Variants in LIPC observed in about 807,000 individuals in gnomAD.
LIPC encodes hepatic triacylglycerol lipase.
In LIPC, 44 loss-of-function variants were observed where a neutral mutation model predicts 50.7. That is an observed-to-expected ratio of 0.87 (90% CI 0.68 to 1.11). LIPC has a LOEUF of 1.11. Among genes scored for constraint, LIPC ranks in the 50% most tolerant of loss-of-function variants. The pLI, the probability that LIPC is intolerant of heterozygous loss-of-function variation, is 0.00. For synonymous variants in LIPC, 271 were observed against 256.4 expected (o/e 1.06, Z -0.54); for missense variants, 697 against 648.2 (o/e 1.08, Z -0.82).
chr15:58,464,851 T>C (rs566978230), intron 1 of LIPC, among the ~76,000 whole-genome samples: 2 of 152,286 alleles, frequency 1.3e-5, no homozygotes, highest in South Asian at 4.1e-4. Flanking sequence ...TGTGCACCTG[T>C]AGTCCCAGCT....
At chr15:58,433,837 T>A (rs1487779692) in intron 1 of LIPC, among the ~76,000 whole-genome samples, 7 of 152,162 alleles carry the variant, frequency 4.6e-5, no homozygotes, top group Admixed American at 4.6e-4. Flanking sequence ...GAAAAGAGGA[T>A]CCAAGTCAGG....
Position 58,541,947 on chromosome 15 carries a change from G to T in LIPC, c.436G>T (p.Ala146Ser). 6.2e-7 allele frequency: 1 copy of T among 1,610,198 alleles called. No individual in the cohort carries two copies. ...NTRLVGKEVA[A>S]LLRWLEESVQ... ...CCGCCTTGTGGGCAAGGAGGTCGCG[G>T]CTCTTCTCCGGTGGCTGGAGGTACC... Residue 146 changes from alanine to serine, a missense_variant, in exon 3 of 9, where the codon GCT (alanine) becomes TCT (serine). By Grantham distance (99) the Ala-to-Ser change is moderately conservative (BLOSUM62 1). Coordinates refer to ENST00000299022, the MANE Select transcript of LIPC (RefSeq NM_000236.3).
At chr15:58,472,275 A>G (rs1890837032) in intron 1 of LIPC, among the ~76,000 whole-genome samples, 1 of 131,228 alleles carries the variant, frequency 7.6e-6, no homozygotes, top group Non-Finnish European at 1.8e-5. Context: ...GGTCTCAAAA[A>G]AAAAAAAAAA....
intron 1 of LIPC, 146 bp from the exon 2 acceptor site, chr15:58,538,187 C>A: frequency 2.4e-6 from 2 of 826,202 alleles, no homozygotes; most frequent in East Asian, 2.5e-5. Flanking sequence ...GTCTTTGGGG[C>A]TCCCCACAGT....
rs572934305 is a variant in LIPC, at chr15:58,478,999, C to A, written c.88+46879C>A. On this transcript the variant is annotated intron_variant, in intron 1 of 8. Coordinates refer to ENST00000299022, the MANE Select transcript of LIPC (RefSeq NM_000236.3). ...GCCTCGGAGTTGAAGCCAGGGTCCA[C>A]TGGACTTTCAGATGTTCAATGAATT... 2.0e-5 allele frequency among the ~76,000 whole-genome samples: 3 copies of A among 152,342 alleles called. No homozygotes were observed. In the South Asian group the frequency reaches 6.2e-4, roughly 32 times the overall value.
intron 8 of LIPC, chr15:58,565,314 G>A: frequency 6.5e-7 from 1 of 1,535,278 alleles, no homozygotes; most frequent in Non-Finnish European, 8.7e-7. Context: ...CTCTTAGCTG[G>A]AGAGTAATTC....
At chr15:58,560,817 C>A in intron 6 of LIPC, 47 bp from the exon 7 acceptor site, 2 of 805,270 alleles carry the variant, frequency 2.5e-6, no homozygotes, top group South Asian at 2.9e-5. Flanking sequence ...AATTTAAAAT[C>A]ACTGCTTAAA....
At chr15:58,438,335 C>A (rs1364048931) in intron 1 of LIPC, among the ~76,000 whole-genome samples, 2 of 152,134 alleles carry the variant, frequency 1.3e-5, no homozygotes, top group Non-Finnish European at 2.9e-5. Flanking sequence ...TCCCTGACAG[C>A]CACGGGCTCC....
At chr15:58,464,292 C>G (rs1256997380) in intron 1 of LIPC, among the ~76,000 whole-genome samples, 2 of 152,188 alleles carry the variant, frequency 1.3e-5, no homozygotes, top group African/African-American at 4.8e-5. Flanking sequence ...GTGCGATGGA[C>G]ACCTGTAGGT....
chr15:58,461,867 C>G (rs1017179095), intron 1 of LIPC, among the ~76,000 whole-genome samples: 6 of 152,142 alleles, frequency 3.9e-5, no homozygotes, highest in Non-Finnish European at 7.3e-5. Context: ...AATTCCAGCT[C>G]CTTTAAACTT....
intron 4 of LIPC, among the ~76,000 whole-genome samples, chr15:58,545,149 G>T (rs1052051397): frequency 1.3e-5 from 2 of 152,104 alleles, no homozygotes; most frequent in African/African-American, 4.8e-5. Context: ...GGCTTTTTTT[G>T]TATGCAAACA....
intron 8 of LIPC, chr15:58,565,492 T>A: frequency 7.2e-7 from 1 of 1,386,590 alleles, no homozygotes; most frequent in Non-Finnish European, 9.3e-7. Context: ...GGGGTGAGCA[T>A]TGAAGCAGGT....
At chr15:58,521,336 A>G (rs1349861354) in intron 1 of LIPC, 2 of 152,326 alleles carry the variant, frequency 1.3e-5, no homozygotes, top group South Asian at 2.1e-4. Context: ...GAGCCTAGTC[A>G]TGAAATGGGA....
chr15:58,480,905 T>C (rs961838179), intron 1 of LIPC, among the ~76,000 whole-genome samples: 4 of 152,142 alleles, frequency 2.6e-5, no homozygotes, highest in Non-Finnish European at 4.4e-5. Flanking sequence ...TGTTCAGTTA[T>C]GTCACAAGCT....
At chr15:58,515,763 C>T (rs933291408) in intron 1 of LIPC, among the ~76,000 whole-genome samples, 16 of 151,862 alleles carry the variant, frequency 1.1e-4, no homozygotes, top group African/African-American at 3.4e-4. Context: ...GTGAGCTGAA[C>T]GGCAATAGGG....
intron 1 of LIPC, chr15:58,436,794 G>A (rs1229420274): frequency 2.6e-5 from 12 of 456,162 alleles, no homozygotes; most frequent in Admixed American, 2.6e-4. Context: ...TTTGAGTAGG[G>A]TGTTGAAGGA....
chr15:58,545,645 A>T, intron 4 of LIPC, 97 bp from the exon 5 acceptor site: 1 of 995,436 alleles, frequency 1.0e-6, no homozygotes, highest in Non-Finnish European at 1.5e-6. Context: ...TCTTCCTGCT[A>T]GTTCACTGAT....
At chr15:58,463,991 AG>A (rs762466195) in intron 1 of LIPC, among the ~76,000 whole-genome samples, 3 of 152,234 alleles carry the variant, frequency 2.0e-5, no homozygotes, top group Non-Finnish European at 2.9e-5. Flanking sequence ...CAAAGATGAA[AG>A]TAATGGATCA....
intron 1 of LIPC, among the ~76,000 whole-genome samples, chr15:58,529,081 G>C (rs1262788489): frequency 6.6e-6 from 1 of 152,156 alleles, no homozygotes; most frequent in East Asian, 1.9e-4. Flanking sequence ...CAATTGTGTA[G>C]TTTATGTCTG....
Sources: allele counts gnomAD v4.1 joint callset (sites outside exome capture counted in the v4.1 genomes callset), GRCh38; gene constraint gnomAD v4.1.1; transcripts MANE v1.5; gene names NCBI Gene and HGNC (gene_info 2026-07-23, HGNC 2026-07-21).